Variants in NREP observed in about 807,000 individuals in gnomAD.
The protein encoded by NREP is neuronal regeneration-related protein.
In NREP, 5 loss-of-function variants were observed where a neutral mutation model predicts 8.6. The ratio of observed to expected loss-of-function variants is 0.58; its 90% CI spans 0.30 to 1.22. The LOEUF (loss-of-function observed/expected upper bound fraction) is 1.22. NREP is among the 50% of genes most tolerant of loss of function. The probability of loss-of-function intolerance (pLI) is 0.07; values close to 1 mark genes in which losing one functional copy is unlikely to be tolerated. For synonymous variants in NREP, 27 were observed against 28.0 expected, an observed-to-expected ratio of 0.96 and a Z score of 0.11; for missense variants, 86 against 82.5, an observed-to-expected ratio of 1.04 and a Z score of -0.17.
At chr5:111,766,610 C>T (rs566474763) in intron 2 of NREP, among the ~76,000 whole-genome samples, 97 of 152,306 alleles carry the variant, frequency 6.4e-4, no homozygotes, top group African/African-American at 2.2e-3. Flanking sequence ...AAAAATCTCT[C>T]TTCTTGGGTC....
chr5:111,818,571 A>G (rs572836040), intron 2 of NREP, among the ~76,000 whole-genome samples: 1 of 152,336 alleles, frequency 6.6e-6, no homozygotes, highest in South Asian at 2.1e-4. Context: ...TTACAAACTA[A>G]TGTAAACAAT....
chr5:111,931,791 G>A (rs1755544522), intron 2 of NREP, among the ~76,000 whole-genome samples: 1 of 151,990 alleles, frequency 6.6e-6, no homozygotes, highest in South Asian at 2.1e-4. Context: ...TTCCTCCATG[G>A]GTCTTCTGGT....
chr5:111,877,024 G>T (rs957257552), intron 2 of NREP, among the ~76,000 whole-genome samples: 1 of 152,114 alleles, frequency 6.6e-6, no homozygotes, highest in Admixed American at 6.5e-5. Context: ...TATTTTGTAT[G>T]ACTTAATATT....
At chr5:111,960,278 A>G (rs946407955) in intron 2 of NREP, among the ~76,000 whole-genome samples, 2 of 152,276 alleles carry the variant, frequency 1.3e-5, no homozygotes, top group Middle Eastern at 6.8e-3. Flanking sequence ...CTGACTCACT[A>G]CTTTATTCCA....
chr5:111,976,851 G>C, exon 1 of NREP: 1 of 767,006 alleles, frequency 1.3e-6, no homozygotes, highest in Non-Finnish European at 2.1e-6. Flanking sequence ...CATTCTGATT[G>C]TCCAATGTTT....
chr5:111,889,955 A>T (rs1226152702), intron 2 of NREP, among the ~76,000 whole-genome samples: 1 of 152,178 alleles, frequency 6.6e-6, no homozygotes, highest in Admixed American at 6.5e-5. Flanking sequence ...CACAAGGTCA[A>T]TTGATCAGTT....
At chr5:111,898,589 G>T (rs1316513762) in intron 2 of NREP, among the ~76,000 whole-genome samples, 2 of 152,116 alleles carry the variant, frequency 1.3e-5, no homozygotes, top group African/African-American at 4.8e-5. Context: ...CAGGAATTTG[G>T]GGATCAGCAA....
rs1754003677 is a variant in NREP, at chr5:111,879,804, C to T, written c.135+95470G>A. Among the ~76,000 whole-genome samples, 3 of 152,052 alleles carry T rather than the reference C, an allele frequency of 2.0e-5. No individual in the cohort carries two copies. In the South Asian group the frequency reaches 6.2e-4, roughly 31 times the overall value. On this transcript the variant is annotated intron_variant, in intron 2 of 3. Coordinates refer to the NREP transcript ENST00000395634. ...CAGAAAGCCAACTTCTTTTTGTAGTCCCATATGGCAGGGAGAGAAAGAAAG... is the reference window on the plus strand; with the variant it reads ...CAGAAAGCCAACTTCTTTTTGTAGTTCCATATGGCAGGGAGAGAAAGAAAG...
At chr5:111,833,829 T>C (rs1189933177) in intron 2 of NREP, among the ~76,000 whole-genome samples, 2 of 152,192 alleles carry the variant, frequency 1.3e-5, no homozygotes, top group Non-Finnish European at 2.9e-5. Flanking sequence ...TGGGAGACAA[T>C]ACTCCATAGG....
At chr5:111,915,703 A>G (rs897828592) in intron 2 of NREP, among the ~76,000 whole-genome samples, 1 of 152,232 alleles carries the variant, frequency 6.6e-6, no homozygotes, top group South Asian at 2.1e-4. Flanking sequence ...TAAAACATAT[A>G]AACATAAAAC....
chr5:111,743,004 C>T (rs545957299), intron 2 of NREP, among the ~76,000 whole-genome samples: 80 of 152,246 alleles, frequency 5.3e-4, no homozygotes, highest in African/African-American at 1.9e-3. Flanking sequence ...CAAATCTTGA[C>T]TTTTAATGGG....
chr5:111,915,340 ATTTC>A (rs10547550), intron 2 of NREP, among the ~76,000 whole-genome samples: 20,051 of 151,874 alleles, frequency 0.13, 1,852 homozygotes, highest in African/African-American at 0.26. Flanking sequence ...TGCTTCCTCT[ATTTC>A]TTTAATAAAT....
chr5:111,878,108 T>G (rs1753955424), intron 2 of NREP, among the ~76,000 whole-genome samples: 1 of 152,200 alleles, frequency 6.6e-6, no homozygotes, highest in Non-Finnish European at 1.5e-5. Context: ...CCTCCCCTGG[T>G]GAAGGCCTTT....
At chr5:111,768,392 G>T (rs1017757242) in intron 2 of NREP, among the ~76,000 whole-genome samples, 1 of 152,020 alleles carries the variant, frequency 6.6e-6, no homozygotes, top group African/African-American at 2.4e-5. Flanking sequence ...AGATTCAGGG[G>T]GTACATATGC....
At chr5:111,818,998 T>G (rs937110819) in intron 2 of NREP, among the ~76,000 whole-genome samples, 2 of 152,208 alleles carry the variant, frequency 1.3e-5, no homozygotes, top group Non-Finnish European at 2.9e-5. Flanking sequence ...TTGTTAGATA[T>G]AGTGAACTCC....
At chr5:111,846,177 A>G (rs983448660) in intron 2 of NREP, 5 of 180,720 alleles carry the variant, frequency 2.8e-5, no homozygotes, top group Admixed American at 6.3e-5. Context: ...AAATGCTTCT[A>G]GAACTACTAA....
chr5:111,755,678 AG>A, intron 2 of NREP, 91 bp downstream of exon 2: 2 of 1,393,406 alleles, frequency 1.4e-6, no homozygotes, highest in South Asian at 2.3e-5. Context: ...AGAACAATGA[AG>A]GGTTGAGGCG....
At chr5:111,820,370 G>A (rs746373276) in intron 2 of NREP, among the ~76,000 whole-genome samples, 11 of 152,226 alleles carry the variant, frequency 7.2e-5, no homozygotes, top group Non-Finnish European at 1.5e-4. Flanking sequence ...AGCTTCACAA[G>A]TATTGATTTT....
chr5:111,918,450 C>G (rs1030026113), intron 2 of NREP, among the ~76,000 whole-genome samples: 4 of 152,144 alleles, frequency 2.6e-5, no homozygotes, highest in African/African-American at 9.7e-5. Flanking sequence ...TACCTGACTT[C>G]AAACTAACTA....
Sources: allele counts gnomAD v4.1 joint callset (sites outside exome capture counted in the v4.1 genomes callset), GRCh38; gene constraint gnomAD v4.1.1; transcripts MANE v1.5; gene names NCBI Gene and HGNC (gene_info 2026-07-23, HGNC 2026-07-21).